The following COL5A3 variants were observed in gnomAD, a reference collection of about 807,000 sequenced individuals.
COL5A3 encodes the protein collagen alpha-3(V) chain.
A neutral mutation model predicts 250.0 loss-of-function variants in COL5A3; 172 were observed. That is an observed-to-expected ratio of 0.69 (90% CI 0.61 to 0.78). The LOEUF is 0.78. Ranked by LOEUF, COL5A3 falls within the 30% of genes least tolerant of loss-of-function variation. COL5A3 has a pLI of 0.00. For synonymous variants in COL5A3, 937 were observed against 900.4 expected (o/e 1.04, Z -0.73); for missense variants, 2,340 against 2,334.4 (o/e 1.00, Z -0.05).
At chr19:9,992,798 C>T (rs773800500) in intron 21 of COL5A3, 29 bp downstream of exon 21, 1 of 1,610,608 alleles carries the variant, frequency 6.2e-7, no homozygotes, top group Non-Finnish European at 8.5e-7. Context: ...AAAAGACAGA[C>T]AGGGATGCAG....
At chr19:9,996,342 A>AATAACCCCCTTCTCCTGCCCAGCCCC in intron 13 of COL5A3, 80 bp from the exon 14 acceptor site, 1 of 1,552,228 alleles carries the variant, frequency 6.4e-7, no homozygotes, top group Non-Finnish European at 8.7e-7. Flanking sequence ...TCAGGAGAAA[A>AATAACCCCCTTCTCCTGCCCAGCCCC]ATAACCCCCT....
intron 4 of COL5A3, 72 bp downstream of exon 4, chr19:10,005,486 C>A (rs2087428378): frequency 6.8e-7 from 1 of 1,468,354 alleles, no homozygotes; most frequent in South Asian, 1.2e-5. Context: ...TCTTTAATAT[C>A]CTCTCCAGAT....
In COL5A3 at chr19:9,983,367, C is replaced by T. The variant is rs560825927; in HGVS notation, c.2407-1249G>A. Among the ~76,000 whole-genome samples, 15 of 151,664 alleles carry T rather than the reference C, an allele frequency of 9.9e-5. No homozygotes were observed. In the South Asian group the frequency reaches 1.9e-3, roughly 19 times the overall value. On this transcript the variant is annotated intron_variant, in intron 31 of 66. Transcript: ENST00000264828. ...AAATTTAAAAATTCATCAGGTGGTG[C>T]GCACCTGTTGTTCCCAGCTACTCAG...
At chr19:9,973,734 GC>G (rs1181799107) in intron 49 of COL5A3, 21 bp downstream of exon 49, 65 of 1,613,592 alleles carry the variant, frequency 4.0e-5, no homozygotes, top group African/African-American at 6.7e-5. Context: ...CCCCCGTGCA[GC>G]CCCTGCCTTC....
intron 27 of COL5A3, among the ~76,000 whole-genome samples, chr19:9,988,684 A>G (rs889833660): frequency 2.6e-5 from 4 of 151,508 alleles, no homozygotes; most frequent in African/African-American, 9.7e-5. Flanking sequence ...TACAAAAATT[A>G]CCCAGGAGTG....
intron 31 of COL5A3, 89 bp from the exon 32 acceptor site, chr19:9,982,207 C>G (rs1261006338): frequency 5.8e-6 from 5 of 857,598 alleles, no homozygotes; most frequent in Non-Finnish European, 9.1e-6. Flanking sequence ...TGAGGCATTT[C>G]CAGGTCACTG....
intron 24 of COL5A3, among the ~76,000 whole-genome samples, chr19:9,990,570 A>AT (rs60535040): frequency 0.27 from 39,653 of 149,034 alleles, 8,031 homozygotes; most frequent in African/African-American, 0.57. Flanking sequence ...AATAAAATTA[A>AT]TTTTTTTTTT....
In COL5A3 at chr19:9,993,955, T is replaced by C. The variant is rs2087234538; in HGVS notation, c.1588-149A>G. The stretch of plus-strand genomic sequence containing the variant: ...CAGGTTGGAGTGCAGTGGCACGTTC[T>C]CAGCTCACTGCAACCTCAGCCTCCT... On this transcript the variant is annotated intron_variant, in intron 16 of 66. Transcript: ENST00000264828. The C allele has an allele frequency of 1.2e-5, 8 of 683,626 alleles. No homozygotes were observed. The South Asian group carries it at 1.5e-4, about 12-fold the overall frequency. 42.3% of individuals were successfully genotyped at this position (683,626 alleles called of 1,614,324 possible).
intron 20 of COL5A3, 23 bp downstream of exon 20, chr19:9,993,000 G>T (rs1180260554): frequency 1.2e-6 from 2 of 1,612,858 alleles, no homozygotes; most frequent in Non-Finnish European, 1.7e-6. Context: ...CAAGCAAGGG[G>T]CCCAGGGATC....
intron 16 of COL5A3, among the ~76,000 whole-genome samples, chr19:9,995,111 T>G (rs1293388784): frequency 2.6e-5 from 4 of 152,160 alleles, no homozygotes; most frequent in African/African-American, 9.7e-5. Flanking sequence ...TTTCCCCATG[T>G]TGGCCAGGTT....
chr19:9,967,535 TCACAC>T (rs2086771694), intron 61 of COL5A3, 135 bp from the exon 62 acceptor site: 1 of 644,564 alleles, frequency 1.6e-6, no homozygotes, highest in Non-Finnish European at 2.7e-6. Context: ...ACACACTCAC[TCACAC>T]ACTCACACAC....
chr19:9,968,804 C>A lies in COL5A3; in HGVS notation c.4153-76G>T. 1 of 1,273,036 alleles carries A rather than the reference C, an allele frequency of 7.9e-7. No individual in the cohort carries two copies. The highest frequency in any genetic ancestry group is 1.3e-5 in the South Asian group (1 of 77,274). The allele number at this position is 1,273,036 out of a possible 1,614,324, so 78.9% of individuals were successfully genotyped here. ...TCTGTGTGGGTGGTTAGGGGATGGT[C>A]AAATGGGAAATTATGCAGATTTCAA... On this transcript the variant is annotated intron_variant, in intron 57 of 66. Transcript: ENST00000264828. The surrounding 1 kb of genome is among the most constrained non-coding windows in gnomAD (Gnocchi z 4.1).
chr19:9,983,536 GA>G (rs745652994), intron 31 of COL5A3, among the ~76,000 whole-genome samples: 1 of 7,960 alleles, frequency 1.3e-4, no homozygotes. Flanking sequence ...AAAGAAGAAA[GA>G]AAGAAAGAAA....
intron 1 of COL5A3, among the ~76,000 whole-genome samples, chr19:10,007,569 C>T (rs1426094042): frequency 1.3e-5 from 2 of 152,320 alleles, no homozygotes; most frequent in East Asian, 3.9e-4. Flanking sequence ...TTCCCCCATC[C>T]CCCAACCCTC....
At chr19:9,973,090 C>T (rs1045964749) in intron 50 of COL5A3, 64 bp from the exon 51 acceptor site, 4 of 1,438,146 alleles carry the variant, frequency 2.8e-6, no homozygotes, top group South Asian at 1.3e-5. Flanking sequence ...GATTAGCATA[C>T]TTGGATTCAG....
chr19:9,960,881 C>A lies in COL5A3; in HGVS notation c.4861G>T (p.Val1621Leu). 1.2e-6 allele frequency: 2 copies of A among 1,604,876 alleles called. No individual in the cohort carries two copies. The highest frequency in any genetic ancestry group is 1.1e-5 in the South Asian group (1 of 91,068). ...TFRRGKKFSY[V>L]DADGSPVNVV... ...TTCACTGGGGACCCGTCGGCGTCCA[C>A]GTAGGAGAACTGGTGAGAGGAGGGC... is the stretch of plus-strand genomic sequence containing the variant. Residue 1621 changes from valine (V) to leucine (L), a missense_variant, in exon 66 of 67, where the codon GTG (valine) becomes TTG (leucine). By Grantham distance (32) the Val-to-Leu change is conservative. Transcript: ENST00000264828.
chr19:9,968,591 G>A lies in COL5A3; in HGVS notation c.4206+84C>T. Reference sequence around the variant, plus strand: ...GGTGATGAGTTTGGGAGCAGAGGATGCACCAATCTCCCAGCCCCCCAGCCA... The same window carrying A: ...GGTGATGAGTTTGGGAGCAGAGGATACACCAATCTCCCAGCCCCCCAGCCA... On this transcript the variant is annotated intron_variant, in intron 58 of 66. Transcript: ENST00000264828. The surrounding 1 kb of genome is among the most constrained non-coding windows in gnomAD (Gnocchi z 4.1). The A allele has an allele frequency of 6.4e-7, 1 of 1,573,438 alleles. No homozygotes were observed. Among genetic ancestry groups the A allele is most frequent in the South Asian group, 1.1e-5 (1 of 89,684 alleles).
rs2087487062 is a variant in COL5A3 at position 10,009,162 on chromosome 19, GTGTGTGTGTGTGTGT to G, written c.88+1121_88+1135del. Among the ~76,000 whole-genome samples the G allele has an allele frequency of 8.8e-5, 1 of 11,320 alleles. No individual in the cohort carries two copies. The highest frequency in any genetic ancestry group is 1.6e-4 in the African/African-American group (1 of 6,120). The allele number at this position is 11,320 out of a possible 152,430, so 7.4% of individuals were successfully genotyped here. The stretch of plus-strand genomic sequence containing the variant: ...ACTCCAAAGTAAGAAGTGTGCTGTG[GTGTGTGTGTGTGTGT>G]GTGTGTGTGTGTGTGTGTGTGTGTG... On this transcript the variant is annotated intron_variant, in intron 1 of 66. Coordinates refer to ENST00000264828, the MANE Select transcript of COL5A3 (RefSeq NM_015719.4). The surrounding 1 kb of genome is among the most constrained non-coding windows in gnomAD (Gnocchi z 4.4).
chr19:9,986,848 G>T, intron 27 of COL5A3, 90 bp from the exon 28 acceptor site: 6 of 1,428,744 alleles, frequency 4.2e-6, no homozygotes, highest in Non-Finnish European at 5.8e-6. Context: ...AGCCAGGATA[G>T]TCCCAAGAGG....
Sources: gnomAD v4.1 joint callset for allele counts (sites outside exome capture counted in the v4.1 genomes callset) on GRCh38, gnomAD v4.1.1 for gene constraint, Gnocchi (gnomAD v3.1) non-coding constraint, MANE v1.5 for transcripts, NCBI Gene and HGNC (gene_info 2026-07-23, HGNC 2026-07-21) for gene names.